Variants in SH3GL3 observed in about 807,000 individuals in gnomAD.
SH3GL3 encodes SH3 domain containing GRB2 like 3, endophilin A3, also known as endophilin-A3.
In SH3GL3, 33 loss-of-function variants were observed where a neutral mutation model predicts 47.7. The observed-to-expected ratio is 0.69, with a 90% CI of 0.52 to 0.92. The LOEUF is 0.92. SH3GL3 is among the 40% of genes least tolerant of loss of function. SH3GL3 has a pLI of 0.00. For missense variants in SH3GL3, 363 were observed against 417.8 expected, an observed-to-expected ratio of 0.87 and a Z score of 1.14; for synonymous variants, 155 against 148.8, an observed-to-expected ratio of 1.04 and a Z score of -0.30.
At chr15:83,556,712 A>G (rs575359428) in intron 1 of SH3GL3, among the ~76,000 whole-genome samples, 114 of 152,356 alleles carry the variant, frequency 7.5e-4, no homozygotes, top group Non-Finnish European at 1.4e-3. Context: ...ACACCATCCG[A>G]AAACACAGCG....
intron 1 of SH3GL3, among the ~76,000 whole-genome samples, chr15:83,465,990 CA>C (rs1474299101): frequency 1.3e-5 from 2 of 152,174 alleles, no homozygotes; most frequent in Non-Finnish European, 1.5e-5. Context: ...TCCACTACCA[CA>C]AAGATCCCCT....
chr15:83,523,260 G>C (rs1051738885), intron 1 of SH3GL3, among the ~76,000 whole-genome samples: 1 of 152,116 alleles, frequency 6.6e-6, no homozygotes, highest in Non-Finnish European at 1.5e-5. Flanking sequence ...CATCTCATTT[G>C]ATTTTAGCCC....
chr15:83,559,662 C>T (rs777760141), intron 2 of SH3GL3, among the ~76,000 whole-genome samples: 1 of 152,198 alleles, frequency 6.6e-6, no homozygotes, highest in African/African-American at 2.4e-5. Context: ...AAATGTATTT[C>T]TGGGACAAGA....
chr15:83,621,613 A>G (rs1247828646), downstream of SH3GL3, among the ~76,000 whole-genome samples: 1 of 152,262 alleles, frequency 6.6e-6, no homozygotes. Flanking sequence ...TGTAAGAATT[A>G]CCAAAGTGTG....
At chr15:83,518,326 A>C (rs1054281362) in intron 1 of SH3GL3, among the ~76,000 whole-genome samples, 2 of 152,228 alleles carry the variant, frequency 1.3e-5, no homozygotes, top group Non-Finnish European at 2.9e-5. Flanking sequence ...TGCTTTCCAC[A>C]GCAGTCGAAC....
At chr15:83,603,078 C>G (rs1000777878) in intron 8 of SH3GL3, among the ~76,000 whole-genome samples, 4 of 152,044 alleles carry the variant, frequency 2.6e-5, no homozygotes, top group Admixed American at 2.6e-4. Flanking sequence ...CGGCCCACTG[C>G]AACCTCCGCT....
intron 1 of SH3GL3, among the ~76,000 whole-genome samples, chr15:83,459,246 A>G (rs1202885083): frequency 6.6e-6 from 1 of 152,200 alleles, no homozygotes; most frequent in African/African-American, 2.4e-5. Context: ...ACCCAGATTG[A>G]GGGTGGGTCT....
In SH3GL3 at chr15:83,503,308, T is replaced by C. The variant is rs150471056; in HGVS notation, c.45+55730T>C. 4.0e-3 allele frequency among the ~76,000 whole-genome samples: 610 copies of C among 152,276 alleles called. 6 individuals carry two copies. Among genetic ancestry groups the C allele is most frequent in the African/African-American group, 0.014 (590 of 41,562 alleles). ...TGTTCATAAAAATGCAAAAATGAAA[T>C]GTACTGGCTTCTAACCTGCTTTTCT... On this transcript the variant is annotated intron_variant, in intron 1 of 8. Transcript: ENST00000427482.
intron 1 of SH3GL3, among the ~76,000 whole-genome samples, chr15:83,526,147 C>T (rs1596181127): frequency 6.6e-6 from 1 of 152,178 alleles, no homozygotes; most frequent in East Asian, 1.9e-4. Flanking sequence ...TTCTTCCTGG[C>T]TATTATTAAA....
intron 1 of SH3GL3, among the ~76,000 whole-genome samples, chr15:83,457,386 T>C (rs891123959): frequency 6.6e-6 from 1 of 152,210 alleles, no homozygotes; most frequent in African/African-American, 2.4e-5. Flanking sequence ...ACACTGCTTG[T>C]AGGGCAGAAA....
intron 1 of SH3GL3, among the ~76,000 whole-genome samples, chr15:83,556,137 G>T (rs968485496): frequency 1.3e-5 from 2 of 151,980 alleles, no homozygotes; most frequent in South Asian, 2.1e-4. Flanking sequence ...AAATAACCTT[G>T]TAACCTTGGA....
the SH3GL3 span, among the ~76,000 whole-genome samples, chr15:83,629,264 C>G: frequency 0.02 from 2,999 of 152,140 alleles, 94 homozygotes; most frequent in African/African-American, 0.068. Context: ...CCTAGAATAG[C>G]CAAAACAAAG....
chr15:83,570,523 C>A (rs1206178644), intron 4 of SH3GL3, among the ~76,000 whole-genome samples: 1 of 152,030 alleles, frequency 6.6e-6, no homozygotes, highest in East Asian at 1.9e-4. Flanking sequence ...TTAAAAAAGT[C>A]ATTAAATTTT....
At chr15:83,461,082 CAA>C (rs544038100) in intron 1 of SH3GL3, among the ~76,000 whole-genome samples, 14 of 123,480 alleles carry the variant, frequency 1.1e-4, no homozygotes, top group Non-Finnish European at 1.2e-4. Context: ...GACTCCATCT[CAA>C]AAAAAAAAAA....
intron 4 of SH3GL3, among the ~76,000 whole-genome samples, chr15:83,570,259 A>G (rs2045749362): frequency 6.6e-6 from 1 of 152,144 alleles, no homozygotes; most frequent in Non-Finnish European, 1.5e-5. Flanking sequence ...GAAAAGTCCA[A>G]CTTTCTCCTG....
chr15:83,541,773 T>C (rs1202466018), intron 1 of SH3GL3, among the ~76,000 whole-genome samples: 1 of 152,200 alleles, frequency 6.6e-6, no homozygotes, highest in African/African-American at 2.4e-5. Context: ...TTTTGAGAAA[T>C]GTCTATTCAG....
chr15:83,607,722 A>C (rs2151839176), intron 8 of SH3GL3, among the ~76,000 whole-genome samples: 1 of 152,238 alleles, frequency 6.6e-6, no homozygotes, highest in South Asian at 2.1e-4. Context: ...ATTGTAAAAA[A>C]GCAAGGAGCA....
downstream of SH3GL3, among the ~76,000 whole-genome samples, chr15:83,620,728 G>C (rs535568083): frequency 7.1e-4 from 108 of 152,324 alleles, 1 homozygote; most frequent in African/African-American, 2.5e-3. Context: ...TGGTCAGTGC[G>C]CATTGGCTTC....
chr15:83,618,622 A>C lies in SH3GL3; in HGVS notation c.*335A>C. Reference sequence around the variant, plus strand: ...CTGCAATGAAATGGTAACATTTGAAACTAAGAAATGCTAAATATTTTGTTT... The same window carrying C: ...CTGCAATGAAATGGTAACATTTGAACCTAAGAAATGCTAAATATTTTGTTT... On this transcript the variant is annotated 3_prime_UTR_variant, in exon 9 of 9. Transcript: ENST00000427482. 3.9e-6 allele frequency: 1 copy of C among 255,662 alleles called. No individual in the cohort carries two copies. Among genetic ancestry groups the C allele is most frequent in the Non-Finnish European group, 7.6e-6 (1 of 131,576 alleles). 15.8% of individuals were successfully genotyped at this position (255,662 alleles called of 1,614,324 possible).
Sources: allele counts gnomAD v4.1 joint callset (sites outside exome capture counted in the v4.1 genomes callset), GRCh38; gene constraint gnomAD v4.1.1; transcripts MANE v1.5; gene names NCBI Gene and HGNC (gene_info 2026-07-23, HGNC 2026-07-21).